Variants in VAV2 observed in about 807,000 individuals in gnomAD.
The protein encoded by VAV2 is guanine nucleotide exchange factor VAV2.
VAV2 carries 67 observed loss-of-function variants against 132.5 expected under a neutral mutation model. That is an observed-to-expected ratio of 0.51 (90% CI 0.42 to 0.62). The LOEUF is 0.62. Ranked by LOEUF, VAV2 falls within the 20% of genes least tolerant of loss-of-function variation. The probability of loss-of-function intolerance (pLI) is 0.00; values close to 1 mark genes in which losing one functional copy is unlikely to be tolerated. For missense variants in VAV2, 938 were observed against 1,153.6 expected (o/e 0.81, Z 2.71); for synonymous variants, 492 against 443.5 (o/e 1.11, Z -1.37).
intron 1 of VAV2, among the ~76,000 whole-genome samples, chr9:133,950,931 C>T (rs760673485): frequency 6.6e-6 from 1 of 152,130 alleles, no homozygotes; most frequent in Admixed American, 6.5e-5. Flanking sequence ...CCAGACGGAC[C>T]CAAGCAGAGG....
chr9:133,981,788 C>A (rs1341612740), intron 1 of VAV2, among the ~76,000 whole-genome samples: 2 of 152,214 alleles, frequency 1.3e-5, no homozygotes, highest in Non-Finnish European at 2.9e-5. Flanking sequence ...CCAAGGATCT[C>A]TTTCTGGCAG....
intron 2 of VAV2, among the ~76,000 whole-genome samples, chr9:133,938,851 G>T (rs369217349): frequency 5.3e-5 from 8 of 152,136 alleles, no homozygotes; most frequent in Non-Finnish European, 1.0e-4. Context: ...AATTCGTCAC[G>T]CCTGGCCTCA....
intron 2 of VAV2, among the ~76,000 whole-genome samples, chr9:133,890,946 C>A (rs1329615838): frequency 2.0e-5 from 3 of 152,164 alleles, no homozygotes; most frequent in Non-Finnish European, 2.9e-5. Context: ...CTGGCAAGGA[C>A]CTGCCACCTT....
rs139812352 is a variant in VAV2 at position 133,796,410 on chromosome 9, C to T, written c.1032+19G>A. On this transcript the variant is annotated intron_variant, in intron 11 of 29. Transcript: ENST00000371850. ...CCAGCAGTGATGACCCCGCAGGCAC[C>T]CGGGGCCCAGAGCCTCACCTTCAAG... 1.3e-4 allele frequency: 205 copies of T among 1,608,444 alleles called. No individual in the cohort carries two copies. In the African/African-American group the frequency reaches 2.4e-3, roughly 19 times the overall value.
intron 3 of VAV2, among the ~76,000 whole-genome samples, chr9:133,848,617 C>T (rs561495043): frequency 8.4e-4 from 128 of 152,388 alleles, no homozygotes; most frequent in African/African-American, 3.0e-3. Flanking sequence ...TGTCGAAACG[C>T]CGCTAAGCGC....
chr9:133,981,321 G>A (rs1842685959), intron 1 of VAV2, among the ~76,000 whole-genome samples: 1 of 152,214 alleles, frequency 6.6e-6, no homozygotes, highest in African/African-American at 2.4e-5. Flanking sequence ...CTATACCCGT[G>A]CAGTGTCCAG....
Position 133,802,354 on chromosome 9 carries a change from A to ACACACG in VAV2, c.836+3726_836+3727insCGTGTG, listed in dbSNP as rs1240611828. Among the ~76,000 whole-genome samples, 5 of 149,508 alleles carry ACACACG rather than the reference A, an allele frequency of 3.3e-5. No homozygotes were observed. The highest frequency in any genetic ancestry group is 1.3e-4 in the African/African-American group (5 of 39,748). ...CACACACACACACACACACACACAC[A>ACACACG]CGACTTCATGCATTCCTGGTCTGGT... On this transcript the variant is annotated intron_variant, in intron 9 of 29. Transcript: ENST00000371850. The surrounding 1 kb of genome is among the most constrained non-coding windows in gnomAD (Gnocchi z 5.8).
chr9:133,935,183 C>T lies in VAV2; in HGVS notation c.321+3920G>A, dbSNP rs1840861409. Among the ~76,000 whole-genome samples, 1 of 152,196 alleles carries T rather than the reference C, an allele frequency of 6.6e-6. No homozygotes were observed. Among genetic ancestry groups the T allele is most frequent in the South Asian group, 2.1e-4 (1 of 4,838 alleles). On this transcript the variant is annotated intron_variant, in intron 2 of 29. Transcript: ENST00000371850. This position sits in a 1 kb window ranked among gnomAD's most constrained non-coding sequence, Gnocchi z 5.2. ...CTTCATGGTCTGAGGTTGCTGGAGG[C>T]CGCCGAGCTCATTTGGAATGGCCAG... is the stretch of plus-strand genomic sequence containing the variant.
intron 2 of VAV2, among the ~76,000 whole-genome samples, chr9:133,915,853 A>G (rs2492055): frequency 0.88 from 127,933 of 145,002 alleles, 57,690 homozygotes; most frequent in Non-Finnish European, 0.98. Flanking sequence ...ACGCACACAC[A>G]CACGATGTAC....
chr9:133,811,405 T>C (rs903114489), intron 5 of VAV2, among the ~76,000 whole-genome samples: 2 of 152,220 alleles, frequency 1.3e-5, no homozygotes, highest in African/African-American at 4.8e-5. Flanking sequence ...CCTATTTCTT[T>C]GGGGGAAGCC....
At chr9:133,864,081 T>A (rs1002479082) in intron 2 of VAV2, among the ~76,000 whole-genome samples, 4 of 152,150 alleles carry the variant, frequency 2.6e-5, no homozygotes, top group African/African-American at 7.2e-5. Context: ...AGCCGACTCT[T>A]CCGATATCGC....
chr9:133,858,566 G>A (rs1206994995), intron 3 of VAV2, among the ~76,000 whole-genome samples: 2 of 152,146 alleles, frequency 1.3e-5, no homozygotes, highest in East Asian at 3.9e-4. Context: ...CTGAGAACCT[G>A]AGGATGGTCT....
chr9:133,848,767 C>T (rs1039876157), intron 3 of VAV2, among the ~76,000 whole-genome samples: 3 of 152,226 alleles, frequency 2.0e-5, no homozygotes, highest in Admixed American at 1.3e-4. Context: ...GCTCCTGCGT[C>T]GTTCAGGCTC....
In VAV2 at chr9:133,851,909, G is replaced by GTGGATGGATGGATGGA. The variant is rs58259577; in HGVS notation, c.380+9449_380+9464dup. On this transcript the variant is annotated intron_variant, in intron 3 of 29. Transcript: ENST00000371850. ...GATGCATGGATGGATGGATGGATGG[G>GTGGATGGATGGATGGA]TGGATGGATGGATGGATGGATGGAT... 1.4e-3 allele frequency among the ~76,000 whole-genome samples: 197 copies of GTGGATGGATGGATGGA among 140,844 alleles called. No individual in the cohort carries two copies. In the Middle Eastern group the frequency reaches 0.016, roughly 12 times the overall value. 92.4% of individuals were successfully genotyped at this position (140,844 alleles called of 152,430 possible). A position where few individuals can be genotyped will look rare whatever the true frequency, so the allele number is the denominator to read the frequency against.
At chr9:133,951,360 G>A (rs774006421) in intron 1 of VAV2, among the ~76,000 whole-genome samples, 2 of 152,218 alleles carry the variant, frequency 1.3e-5, no homozygotes, top group Non-Finnish European at 2.9e-5. Context: ...AACAGGGACT[G>A]TGGGGCTTTC....
At chr9:133,952,728 C>G (rs1383842354) in intron 1 of VAV2, among the ~76,000 whole-genome samples, 1 of 152,184 alleles carries the variant, frequency 6.6e-6, no homozygotes, top group Non-Finnish European at 1.5e-5. Flanking sequence ...GACAGAGGCA[C>G]AGATTGGCAT....
At chr9:133,932,363 C>A (rs1840717920) in intron 2 of VAV2, among the ~76,000 whole-genome samples, 1 of 152,204 alleles carries the variant, frequency 6.6e-6, no homozygotes, top group Non-Finnish European at 1.5e-5. Context: ...AACTCGGCCC[C>A]AGCACGCCCA....
At chr9:133,819,386 T>C (rs1171493419) in intron 4 of VAV2, among the ~76,000 whole-genome samples, 2 of 151,796 alleles carry the variant, frequency 1.3e-5, no homozygotes, top group East Asian at 3.9e-4. Flanking sequence ...GAGGTGGAGT[T>C]TGCAGAGAGC....
At chr9:133,818,854 C>T (rs1432019334) in intron 4 of VAV2, among the ~76,000 whole-genome samples, 1 of 152,122 alleles carries the variant, frequency 6.6e-6, no homozygotes, top group African/African-American at 2.4e-5. Flanking sequence ...ATGCTATGAA[C>T]GATACTCAGC....
Sources: allele counts gnomAD v4.1 joint callset (sites outside exome capture counted in the v4.1 genomes callset), GRCh38; gene constraint gnomAD v4.1.1; non-coding constraint Gnocchi (gnomAD v3.1); transcripts MANE v1.5; gene names NCBI Gene and HGNC (gene_info 2026-07-23, HGNC 2026-07-21).